The following NCOA7 variants were observed in gnomAD, a reference collection of about 807,000 sequenced individuals.
NCOA7 encodes the protein 140 kDa estrogen receptor-associated protein.
A neutral mutation model predicts 104.3 loss-of-function variants in NCOA7; 45 were observed. The ratio of observed to expected loss-of-function variants is 0.43; its 90% CI spans 0.34 to 0.55. The LOEUF (loss-of-function observed/expected upper bound fraction) is 0.55, where lower values mean the gene tolerates loss of function less well. Among genes scored for constraint, NCOA7 ranks in the 20% least tolerant of loss-of-function variants. NCOA7 has a pLI of 0.02. For synonymous variants in NCOA7, 398 were observed against 402.3 expected (o/e 0.99, Z 0.13); for missense variants, 1,041 against 1,119.7 (o/e 0.93, Z 1.00).
At chr6:125,906,289 C>G (rs1157663263) in intron 10 of NCOA7, among the ~76,000 whole-genome samples, 1 of 151,974 alleles carries the variant, frequency 6.6e-6, no homozygotes, top group African/African-American at 2.4e-5. Flanking sequence ...AAGAACAGTA[C>G]AATAGAGAAT....
intron 7 of NCOA7, among the ~76,000 whole-genome samples, chr6:125,883,067 C>T (rs1783974744): frequency 6.6e-6 from 1 of 152,158 alleles, no homozygotes; most frequent in African/African-American, 2.4e-5. Context: ...GCTGTGTTTG[C>T]TGTTGATGAT....
chr6:125,833,767 G>C (rs1403115358), intron 2 of NCOA7, among the ~76,000 whole-genome samples: 1 of 152,060 alleles, frequency 6.6e-6, no homozygotes, highest in Admixed American at 6.6e-5. Context: ...TCTAATAAAA[G>C]GAGTCAGGTT....
At chr6:125,793,283 G>T (rs1463727081) in intron 1 of NCOA7, among the ~76,000 whole-genome samples, 1 of 152,074 alleles carries the variant, frequency 6.6e-6, no homozygotes, top group Non-Finnish European at 1.5e-5. Context: ...GCTCTTCCTT[G>T]CACACTTTAA....
intron 2 of NCOA7, among the ~76,000 whole-genome samples, chr6:125,826,039 A>T (rs1428126699): frequency 1.3e-5 from 2 of 152,202 alleles, no homozygotes; most frequent in Non-Finnish European, 2.9e-5. Context: ...AAATGGCATT[A>T]TTTTGGCTGA....
chr6:125,909,126 T>G (rs533203101), intron 10 of NCOA7, among the ~76,000 whole-genome samples: 1 of 152,332 alleles, frequency 6.6e-6, no homozygotes, highest in Non-Finnish European at 1.5e-5. Flanking sequence ...AAATGTGTCT[T>G]GTGTTGTAAC....
chr6:125,833,445 G>A (rs865962579), intron 2 of NCOA7, among the ~76,000 whole-genome samples: 1 of 151,986 alleles, frequency 6.6e-6, no homozygotes, highest in African/African-American at 2.4e-5. Flanking sequence ...AATTAGCGAG[G>A]TGTGACAGGC....
chr6:125,833,583 A>T (rs1459896468), intron 2 of NCOA7, among the ~76,000 whole-genome samples: 1 of 129,328 alleles, frequency 7.7e-6, no homozygotes, highest in Non-Finnish European at 1.6e-5. Flanking sequence ...AAGAAAAGGA[A>T]AGGAAAGGGA....
At position 125,915,426 on chromosome 6, in the gene NCOA7, A is replaced by C. The variant is rs1239455225; in HGVS notation, c.2190A>C (p.Glu730Asp). The C allele has an allele frequency of 6.2e-7, 1 of 1,613,950 alleles. No individual in the cohort carries two copies. The highest frequency in any genetic ancestry group is 1.7e-5 in the Admixed American group (1 of 60,004). ...KEQGFVVVEK[E>D]ELNMIDNFFS... The stretch of plus-strand genomic sequence containing the variant: ...AAGGCTTTGTGGTGGTGGAGAAGGA[A>C]GAACTGAACATGATTGACAACTTCT... Residue 730 changes from glutamate (E) to aspartate (D), a missense_variant, in exon 11 of 16, where the codon GAA becomes GAC. Around this residue, in one of 2 missense-constraint regions of NCOA7, gnomAD observed 914 missense variants for 942.7 expected, o/e 0.97. Transcript: ENST00000392477.
At chr6:125,927,599 C>T in intron 13 of NCOA7, 64 bp from the exon 14 acceptor site, 1 of 1,248,816 alleles carries the variant, frequency 8.0e-7, no homozygotes, top group Non-Finnish European at 1.2e-6. Context: ...AAAAATATTC[C>T]AGAAAGCCTT....
In NCOA7 at chr6:125,929,662, A is replaced by G. The variant is rs1161280420; in HGVS notation, c.*891A>G. The G allele has an allele frequency of 1.3e-5, 2 of 152,202 alleles. No homozygotes were observed. The highest frequency in any genetic ancestry group is 1.3e-4 in the Admixed American group (2 of 15,276). The allele number at this position is 152,202 out of a possible 1,614,324, so 9.4% of individuals were successfully genotyped here. ...CCTTGAACATATTCGTGTGAAAAAGAATACATCATTTCTCACAGTCTTAAG... is the reference window on the plus strand; with the variant it reads ...CCTTGAACATATTCGTGTGAAAAAGGATACATCATTTCTCACAGTCTTAAG... On this transcript the variant is annotated 3_prime_UTR_variant, in exon 16 of 16. Transcript: ENST00000392477.
At chr6:125,856,017 G>A (rs62428465) in intron 3 of NCOA7, among the ~76,000 whole-genome samples, 2 of 152,112 alleles carry the variant, frequency 1.3e-5, no homozygotes, top group Non-Finnish European at 2.9e-5. Flanking sequence ...TCGCAGAAGT[G>A]GCGTATCTAG....
At chr6:125,803,504 T>A (rs185713599) in intron 1 of NCOA7, among the ~76,000 whole-genome samples, 9 of 152,328 alleles carry the variant, frequency 5.9e-5, no homozygotes, top group Non-Finnish European at 1.0e-4. Flanking sequence ...TATTTAGGAG[T>A]AAGCATAAGT....
At chr6:125,872,079 C>T (rs1218238164) in intron 3 of NCOA7, among the ~76,000 whole-genome samples, 5 of 150,608 alleles carry the variant, frequency 3.3e-5, no homozygotes, top group Non-Finnish European at 5.9e-5. Flanking sequence ...ATCTCAACAT[C>T]TTAGACTCTG....
At chr6:125,822,598 G>T (rs1056879073) in intron 2 of NCOA7, among the ~76,000 whole-genome samples, 1 of 152,096 alleles carries the variant, frequency 6.6e-6, no homozygotes, top group African/African-American at 2.4e-5. Flanking sequence ...AGTTTACATT[G>T]CACTAAGTAT....
chr6:125,835,386 G>GAA (rs918923565), intron 2 of NCOA7, among the ~76,000 whole-genome samples: 1 of 140,654 alleles, frequency 7.1e-6, no homozygotes, highest in African/African-American at 2.6e-5. Flanking sequence ...TACCTTAGGA[G>GAA]AAAAAAAAAA....
chr6:125,916,583 C>T (rs1787112136), intron 11 of NCOA7, among the ~76,000 whole-genome samples: 1 of 152,232 alleles, frequency 6.6e-6, no homozygotes, highest in Admixed American at 6.5e-5. Flanking sequence ...CTGCTGCTCT[C>T]TTGAACCCCA....
intron 10 of NCOA7, among the ~76,000 whole-genome samples, chr6:125,894,626 AAGG>A (rs1320856282): frequency 6.6e-6 from 1 of 152,224 alleles, no homozygotes; most frequent in Non-Finnish European, 1.5e-5. Flanking sequence ...CATCACAGAC[AAGG>A]AGAAGGCAGA....
chr6:125,838,608 T>C (rs1394247038), intron 2 of NCOA7, among the ~76,000 whole-genome samples: 1 of 152,174 alleles, frequency 6.6e-6, no homozygotes, highest in African/African-American at 2.4e-5. Flanking sequence ...AGAGGTGTTC[T>C]CTGGTTCTCC....
intron 11 of NCOA7, chr6:125,919,325 T>C (rs1362854769): frequency 2.5e-6 from 4 of 1,612,648 alleles, no homozygotes; most frequent in East Asian, 2.2e-5. Context: ...TGTTCCTCAT[T>C]AGAGAGAGAG....
Sources: allele counts gnomAD v4.1 joint callset (sites outside exome capture counted in the v4.1 genomes callset), GRCh38; gene constraint gnomAD v4.1.1; regional missense constraint gnomAD v4.1.1; transcripts MANE v1.5; gene names NCBI Gene and HGNC (gene_info 2026-07-23, HGNC 2026-07-21).